ZC3H14: variants seen among roughly 807,000 people sequenced by gnomAD.
ZC3H14 encodes the protein zinc finger CCCH-type containing 14.
Under a neutral mutation model 92.4 loss-of-function variants are expected in ZC3H14, and 31 were observed. The observed-to-expected ratio is 0.34, with a 90% CI of 0.25 to 0.45. The LOEUF is 0.45. ZC3H14 is among the 20% of genes least tolerant of loss of function. ZC3H14 has a pLI of 1.00. For synonymous variants in ZC3H14, 321 were observed against 300.9 expected (o/e 1.07, Z -0.69); for missense variants, 781 against 897.3 (o/e 0.87, Z 1.66).
rs1257060745 is a variant in ZC3H14, at chr14:88,614,954, AAACAAATGT to A, written c.*3204_*3212del. ...AATTTAACACTTTTGTTTACATGTT[AAACAAATGT>A]GTATATATTAGACTACATTAAATAT... is the stretch of plus-strand genomic sequence containing the variant. On this transcript the variant is annotated 3_prime_UTR_variant, in exon 17 of 17. Coordinates refer to ENST00000251038, the MANE Select transcript of ZC3H14 (RefSeq NM_024824.5). The A allele has an allele frequency of 1.3e-5, 2 of 152,226 alleles. No individual in the cohort carries two copies. Among genetic ancestry groups the A allele is most frequent in the Non-Finnish European group, 2.9e-5 (2 of 68,032 alleles). The allele number at this position is 152,226 out of a possible 1,614,324, so 9.4% of individuals were successfully genotyped here.
In ZC3H14 at chr14:88,609,295, A is replaced by G; in HGVS notation, c.1897A>G (p.Lys633Glu). 1 of 1,614,026 alleles carries G rather than the reference A, an allele frequency of 6.2e-7. No homozygotes were observed. The highest frequency in any genetic ancestry group is 8.5e-7 in the Non-Finnish European group (1 of 1,179,966). The change falls in exon 14 of 17, where the codon AAA (lysine) becomes GAA (glutamate). Residue 633 changes from lysine to glutamate, a missense_variant. Transcript: ENST00000251038. ...KAFPNCKFAEKCLFVHPNCKY... is the reference protein window; with the variant it reads ...KAFPNCKFAEECLFVHPNCKY... ...CTTCCCCAATTGTAAATTTGCTGAA[A>G]AATGTTTGTTTGTTCACCCAAATTG...
rs2088995111 is a variant in ZC3H14 at position 88,621,750 on chromosome 14, AAATTTTCATAGGAGTTG to A, written c.*10000_*10016del. On this transcript the variant is annotated 3_prime_UTR_variant, in exon 17 of 17. Coordinates refer to ENST00000251038, the MANE Select transcript of ZC3H14 (RefSeq NM_024824.5). ...ACTTAATAAGTACAAACACGCTCAA[AAATTTTCATAGGAGTTG>A]TAGTTTTGAATTTTTATTTTGAAAT... The A allele has an allele frequency of 2.9e-6, 1 of 345,590 alleles. No individual in the cohort carries two copies. The highest frequency in any genetic ancestry group is 5.8e-6 in the Non-Finnish European group (1 of 173,846). 21.4% of individuals were successfully genotyped at this position (345,590 alleles called of 1,614,324 possible).
chr14:88,568,658 A>G (rs1277160664), intron 3 of ZC3H14, among the ~76,000 whole-genome samples: 2 of 152,158 alleles, frequency 1.3e-5, no homozygotes, highest in East Asian at 3.9e-4. Context: ...CACAGAGCCA[A>G]ACCTTATCAG....
chr14:88,573,051 A>G (rs1199277512), intron 6 of ZC3H14, 44 bp downstream of exon 6: 4 of 1,598,114 alleles, frequency 2.5e-6, no homozygotes, highest in Non-Finnish European at 3.4e-6. Context: ...AAAAATCGGC[A>G]GTTCTTGATA....
At position 88,566,028 on chromosome 14, in the gene ZC3H14, GCCCC is replaced by G. The variant is rs1161358992; in HGVS notation, c.80-2002_80-1999del. On this transcript the variant is annotated intron_variant, in intron 2 of 16. Coordinates refer to ENST00000251038, the MANE Select transcript of ZC3H14 (RefSeq NM_024824.5). ...GATTACAGGCACCTGCCACCACCCC[GCCCC>G]CCCCCCCCGGCTAATTTTTGTGTTT... 6.3e-3 allele frequency among the ~76,000 whole-genome samples: 17 copies of G among 2,708 alleles called. 4 individuals carry two copies. The highest frequency in any genetic ancestry group is 0.031 in the East Asian group (2 of 64). The allele number at this position is 2,708 out of a possible 152,430, so 1.8% of individuals were successfully genotyped here.
chr14:88,602,745 A>G (rs916013992), intron 11 of ZC3H14, 83 bp from the exon 12 acceptor site: 1 of 1,394,394 alleles, frequency 7.2e-7, no homozygotes, highest in Admixed American at 1.9e-5. Context: ...AGGGAGTGAT[A>G]GTTCTGCTGA....
chr14:88,594,307 C>A, intron 9 of ZC3H14: 1 of 710,866 alleles, frequency 1.4e-6, no homozygotes, highest in Non-Finnish European at 1.8e-6. Flanking sequence ...TCAGTGCTCT[C>A]ATCATATGAA....
intron 9 of ZC3H14, among the ~76,000 whole-genome samples, chr14:88,582,251 G>C (rs2081993997): frequency 6.6e-6 from 1 of 152,176 alleles, no homozygotes; most frequent in Admixed American, 6.6e-5. Context: ...CAAAAGAACA[G>C]AACTTTTGTC....
intron 9 of ZC3H14, among the ~76,000 whole-genome samples, chr14:88,582,373 C>G (rs768101233): frequency 3.3e-5 from 5 of 151,968 alleles, no homozygotes; most frequent in African/African-American, 9.7e-5. Flanking sequence ...AGTGTGCAGC[C>G]GGAAAAATAG....
At chr14:88,571,515 C>T (rs2080390548) in intron 4 of ZC3H14, among the ~76,000 whole-genome samples, 1 of 152,096 alleles carries the variant, frequency 6.6e-6, no homozygotes, top group African/African-American at 2.4e-5. Flanking sequence ...AATATACACG[C>T]ATAAGATACA....
Position 88,621,975 on chromosome 14 carries a change from A to C in ZC3H14, c.*10224A>C. ...GTACTACAGAATACTAAAACATACT[A>C]TTCCTATCTGGCTGTGTAAACTTGT... On this transcript the variant is annotated 3_prime_UTR_variant, in exon 17 of 17. Transcript: ENST00000251038. 2.3e-6 allele frequency: 1 copy of C among 430,632 alleles called. No individual in the cohort carries two copies. Among genetic ancestry groups the C allele is most frequent in the Middle Eastern group, 3.4e-4 (1 of 2,950 alleles). The allele number at this position is 430,632 out of a possible 1,614,324, so 26.7% of individuals were successfully genotyped here.
Position 88,571,138 on chromosome 14 carries a change from C to CGT in ZC3H14, c.235+14_235+15insGT. On this transcript the variant is annotated intron_variant, in intron 4 of 16. Coordinates refer to ENST00000251038, the MANE Select transcript of ZC3H14 (RefSeq NM_024824.5). ...CTGTTACAACTGGTAAGATTCATAACTTTTTTTTTTAATTTCTGCTTGCTA... is the reference window on the plus strand; with the variant it reads ...CTGTTACAACTGGTAAGATTCATAACGTTTTTTTTTTTAATTTCTGCTTGCTA... 1.4e-6 allele frequency: 2 copies of CGT among 1,460,606 alleles called. No individual in the cohort carries two copies. Among genetic ancestry groups the CGT allele is most frequent in the Non-Finnish European group, 1.9e-6 (2 of 1,064,222 alleles). The allele number at this position is 1,460,606 out of a possible 1,614,324, so 90.5% of individuals were successfully genotyped here. A position where few individuals can be genotyped will look rare whatever the true frequency, so the allele number is the denominator to read the frequency against.
chr14:88,616,203 T>C lies in ZC3H14; in HGVS notation c.*4452T>C. 1 of 1,613,926 alleles carries C rather than the reference T, an allele frequency of 6.2e-7. No homozygotes were observed. Among genetic ancestry groups the C allele is most frequent in the Non-Finnish European group, 8.5e-7 (1 of 1,179,818 alleles). On this transcript the variant is annotated 3_prime_UTR_variant, in exon 17 of 17. Transcript: ENST00000251038. The stretch of plus-strand genomic sequence containing the variant: ...TCACCACTGGTAAATCGAATATTTG[T>C]CACATGGGGCGAATGACCCAAGAAC...
At chr14:88,583,127 CTTTT>C (rs1290553129) in intron 9 of ZC3H14, among the ~76,000 whole-genome samples, 1 of 123,396 alleles carries the variant, frequency 8.1e-6, no homozygotes, top group South Asian at 2.6e-4. Flanking sequence ...TTGACTTGTG[CTTTT>C]TTTTTATTTT....
chr14:88,600,599 G>A (rs1190639039), intron 10 of ZC3H14, among the ~76,000 whole-genome samples: 4 of 151,980 alleles, frequency 2.6e-5, no homozygotes, highest in Admixed American at 2.0e-4. Context: ...GTGCTCCCAC[G>A]CCTGGCTAAT....
At position 88,581,518 on chromosome 14, in the gene ZC3H14, G is replaced by A. The variant is rs550017618; in HGVS notation, c.1279+3378G>A. Among the ~76,000 whole-genome samples the A allele has an allele frequency of 1.8e-3, 276 of 152,196 alleles. 1 individual carries two copies. Among genetic ancestry groups the A allele is most frequent in the African/African-American group, 6.4e-3 (264 of 41,516 alleles). On this transcript the variant is annotated intron_variant, in intron 9 of 16. Coordinates refer to ENST00000251038, the MANE Select transcript of ZC3H14 (RefSeq NM_024824.5). ...GGAGGTTGCAGTGAGCCAAGATTGTGCCACCGTACTCCAGCCTGGGCAACA... is the reference window on the plus strand; with the variant it reads ...GGAGGTTGCAGTGAGCCAAGATTGTACCACCGTACTCCAGCCTGGGCAACA...
chr14:88,616,391 G>A lies in ZC3H14; in HGVS notation c.*4640G>A, dbSNP rs2087619040. 1.3e-6 allele frequency: 1 copy of A among 756,542 alleles called. No homozygotes were observed. Among genetic ancestry groups the A allele is most frequent in the African/African-American group, 1.7e-5 (1 of 57,472 alleles). The allele number at this position is 756,542 out of a possible 1,614,324, so 46.9% of individuals were successfully genotyped here. On this transcript the variant is annotated 3_prime_UTR_variant, in exon 17 of 17. Transcript: ENST00000251038. ...GTGATTAGAATGCTTTTCAGCATGA[G>A]TAGTGGATCTGCAAAACCAGGCTGT...
chr14:88,593,528 A>C (rs1237460464), intron 9 of ZC3H14, among the ~76,000 whole-genome samples: 2 of 152,248 alleles, frequency 1.3e-5, no homozygotes, highest in African/African-American at 2.4e-5. Flanking sequence ...AAGGATGACC[A>C]TACAGACCCG....
Position 88,618,074 on chromosome 14 carries a change from G to T in ZC3H14, c.*6323G>T, listed in dbSNP as rs1291547500. The stretch of plus-strand genomic sequence containing the variant: ...CATGGAAATATATTCAATAAAAAGG[G>T]GTCCCAACATGAACATACCATTTCA... On this transcript the variant is annotated 3_prime_UTR_variant, in exon 17 of 17. Transcript: ENST00000251038. 1 of 452,112 alleles carries T rather than the reference G, an allele frequency of 2.2e-6. No individual in the cohort carries two copies. Among genetic ancestry groups the T allele is most frequent in the Non-Finnish European group, 3.8e-6 (1 of 259,790 alleles). 28.0% of individuals were successfully genotyped at this position (452,112 alleles called of 1,614,324 possible).
Sources: allele counts gnomAD v4.1 joint callset (sites outside exome capture counted in the v4.1 genomes callset), GRCh38; gene constraint gnomAD v4.1.1; transcripts MANE v1.5; gene names NCBI Gene and HGNC (gene_info 2026-07-23, HGNC 2026-07-21).